The following GLDC variants were observed in gnomAD, a reference collection of about 807,000 sequenced individuals.
GLDC encodes glycine decarboxylase, also known as glycine dehydrogenase (decarboxylating), mitochondrial.
In GLDC, 104 loss-of-function variants were observed where a neutral mutation model predicts 121.3. That is an observed-to-expected ratio of 0.86 (90% CI 0.73 to 1.01). The LOEUF (loss-of-function observed/expected upper bound fraction) is 1.01, where lower values mean the gene tolerates loss of function less well. GLDC is among the 50% of genes least tolerant of loss of function. The pLI is 0.00. For missense variants in GLDC, 1,429 were observed against 1,306.6 expected (o/e 1.09, Z -1.44); for synonymous variants, 546 against 480.6 (o/e 1.14, Z -1.78).
chr9:6,557,018 C>A (rs1191891215), intron 17 of GLDC, among the ~76,000 whole-genome samples: 1 of 152,130 alleles, frequency 6.6e-6, no homozygotes, highest in African/African-American at 2.4e-5. Flanking sequence ...CTTCTCATAT[C>A]CATTCCTTTC....
At chr9:6,587,315 A>G in intron 14 of GLDC, 32 bp from the exon 15 acceptor site, 1 of 1,511,456 alleles carries the variant, frequency 6.6e-7, no homozygotes, top group Non-Finnish European at 9.2e-7. Context: ...ATGCATATAT[A>G]CATATTATAA....
At chr9:6,590,506 C>A (rs1818354996) in intron 11 of GLDC, among the ~76,000 whole-genome samples, 1 of 152,102 alleles carries the variant, frequency 6.6e-6, no homozygotes, top group African/African-American at 2.4e-5. Flanking sequence ...TTAAAAAGAG[C>A]CTGGCACCTC....
chr9:6,535,734 T>G (rs773095211), intron 23 of GLDC, among the ~76,000 whole-genome samples: 10 of 152,200 alleles, frequency 6.6e-5, no homozygotes, highest in African/African-American at 9.7e-5. Context: ...TATAAGAATG[T>G]GTGCTTGTAC....
At chr9:6,562,927 G>C (rs1030788117) in intron 16 of GLDC, among the ~76,000 whole-genome samples, 1 of 152,166 alleles carries the variant, frequency 6.6e-6, no homozygotes, top group African/African-American at 2.4e-5. Flanking sequence ...ATTTCTACCA[G>C]CTCAGTGGCT....
intron 15 of GLDC, among the ~76,000 whole-genome samples, chr9:6,568,199 T>C (rs1817888289): frequency 6.6e-6 from 1 of 152,168 alleles, no homozygotes; most frequent in South Asian, 2.1e-4. Flanking sequence ...TTTCTCTCTC[T>C]CTCTCTCTCT....
At chr9:6,567,712 T>C (rs1282775797) in intron 15 of GLDC, among the ~76,000 whole-genome samples, 1 of 152,254 alleles carries the variant, frequency 6.6e-6, no homozygotes, top group East Asian at 1.9e-4. Context: ...CTCCAAATTA[T>C]CATAGCATTT....
chr9:6,627,341 A>C (rs1294479477), intron 2 of GLDC, among the ~76,000 whole-genome samples: 1 of 152,012 alleles, frequency 6.6e-6, no homozygotes, highest in Non-Finnish European at 1.5e-5. Flanking sequence ...TAAAGAACAA[A>C]ATATTAATTA....
At chr9:6,540,564 G>A (rs568691333) in intron 21 of GLDC, 8 of 199,964 alleles carry the variant, frequency 4.0e-5, no homozygotes, top group African/African-American at 1.9e-4. Flanking sequence ...ACACTTTTCA[G>A]CAACTTTACC....
intron 15 of GLDC, among the ~76,000 whole-genome samples, chr9:6,576,176 G>A (rs1478979343): frequency 1.3e-5 from 2 of 152,138 alleles, no homozygotes; most frequent in Non-Finnish European, 2.9e-5. Flanking sequence ...GCCAAAAACT[G>A]GGTGGCTTAT....
intron 2 of GLDC, among the ~76,000 whole-genome samples, chr9:6,628,891 T>C (rs1168189834): frequency 2.6e-5 from 4 of 152,188 alleles, no homozygotes; most frequent in African/African-American, 9.6e-5. Flanking sequence ...AATTCTTTTC[T>C]TGCAGAATAA....
chr9:6,643,109 A>T (rs2578292), intron 2 of GLDC, among the ~76,000 whole-genome samples: 1 of 151,678 alleles, frequency 6.6e-6, no homozygotes, highest in African/African-American at 2.4e-5. Context: ...TATTGCCCAA[A>T]CTGGTCTCAA....
At chr9:6,645,162 CAG>C in intron 1 of GLDC, 81 bp downstream of exon 1, 1 of 1,362,276 alleles carries the variant, frequency 7.3e-7, no homozygotes, top group Non-Finnish European at 9.9e-7. Context: ...CAGCAGAGCT[CAG>C]GGTAGGAGCC....
intron 2 of GLDC, among the ~76,000 whole-genome samples, chr9:6,642,961 C>A (rs1013956972): frequency 6.6e-6 from 1 of 151,744 alleles, no homozygotes; most frequent in Non-Finnish European, 1.5e-5. Context: ...TGCAGTGGAG[C>A]CATCTTGGCT....
At chr9:6,630,931 C>A (rs1189499603) in intron 2 of GLDC, among the ~76,000 whole-genome samples, 1 of 152,208 alleles carries the variant, frequency 6.6e-6, no homozygotes, top group Non-Finnish European at 1.5e-5. Flanking sequence ...TGTCAAGTTT[C>A]CTCCCTGGGC....
Position 6,595,226 on chromosome 9 carries a change from T to C in GLDC, c.1156-107A>G, listed in dbSNP as rs1443594589. The C allele has an allele frequency of 6.2e-6, 5 of 808,562 alleles. No homozygotes were observed. In the East Asian group the frequency reaches 1.2e-4, roughly 20 times the overall value. The allele number at this position is 808,562 out of a possible 1,614,324, so 50.1% of individuals were successfully genotyped here. ...AACTGAAGACAGCGACAAAACAAAA[T>C]GATCAGATTTCCTACATTCTTTGAT... On this transcript the variant is annotated intron_variant, in intron 8 of 24. Coordinates refer to ENST00000321612, the MANE Select transcript of GLDC (RefSeq NM_000170.3).
rs1818316179 is a variant in GLDC, at chr9:6,588,623, G to C, written c.1660C>G (p.Pro554Ala). Residue 554 changes from proline (P) to alanine (A), a missense_variant, in exon 13 of 25, where the codon CCA (proline) becomes GCA (alanine). Transcript: ENST00000321612. Reference sequence around the variant, plus strand: ...AAAAGGCCACAAATAACTACCAGTGGAATCATGCTGTGAACAAGGGAAATG... The same window carrying C: ...AAAAGGCCACAAATAACTACCAGTGCAATCATGCTGTGAACAAGGGAAATG... ...KDISLVHSMI[P>A]LGSCTMKLNS... 1 of 1,606,594 alleles carries C rather than the reference G, an allele frequency of 6.2e-7. No individual in the cohort carries two copies.
chr9:6,637,714 G>A (rs1013281310), intron 2 of GLDC, among the ~76,000 whole-genome samples: 2 of 151,992 alleles, frequency 1.3e-5, no homozygotes, highest in South Asian at 2.1e-4. Flanking sequence ...TGATCCATCC[G>A]CCTCAGCCTC....
chr9:6,604,906 ATTG>A, intron 6 of GLDC, 122 bp from the exon 7 acceptor site: 1 of 917,552 alleles, frequency 1.1e-6, no homozygotes, highest in Non-Finnish European at 1.8e-6. Flanking sequence ...TGTGAACTCC[ATTG>A]CTCATTCATT....
chr9:6,644,050 A>AAAAAAAAAAAAAAAAAAC (rs55988287), intron 2 of GLDC, among the ~76,000 whole-genome samples: 9 of 92,732 alleles, frequency 9.7e-5, no homozygotes, highest in African/African-American at 2.9e-4. Context: ...AAAAAAAAAA[A>AAAAAAAAAAAAAAAAAAC]CGAAAAAAAA....
Sources: gnomAD v4.1 joint callset for allele counts (sites outside exome capture counted in the v4.1 genomes callset) on GRCh38, gnomAD v4.1.1 for gene constraint, MANE v1.5 for transcripts, NCBI Gene and HGNC (gene_info 2026-07-23, HGNC 2026-07-21) for gene names.